PRKCA: variants seen among roughly 807,000 people sequenced by gnomAD.
The protein encoded by PRKCA is protein kinase C alpha, also known as protein kinase C alpha type.
In PRKCA, 27 loss-of-function variants were observed where a neutral mutation model predicts 87.0. The observed-to-expected ratio is 0.31, with a 90% CI of 0.23 to 0.43. PRKCA has a LOEUF of 0.43. PRKCA is among the 20% of genes least tolerant of loss of function. PRKCA has a pLI of 1.00. For synonymous variants in PRKCA, 329 were observed against 311.1 expected (o/e 1.06, Z -0.61); for missense variants, 518 against 852.3 (o/e 0.61, Z 4.88).
intron 3 of PRKCA, among the ~76,000 whole-genome samples, chr17:66,512,161 T>A (rs1037288865): frequency 6.6e-6 from 1 of 152,142 alleles, no homozygotes; most frequent in African/African-American, 2.4e-5. Context: ...AGTGTTAATA[T>A]CAGGCAGATC....
At chr17:66,412,632 A>G (rs544400381) in intron 2 of PRKCA, 1 of 152,212 alleles carries the variant, frequency 6.6e-6, no homozygotes, top group African/African-American at 2.4e-5. Flanking sequence ...GCTATGTGCC[A>G]CCTGCTTTCT....
intron 3 of PRKCA, among the ~76,000 whole-genome samples, chr17:66,594,064 A>C (rs1969894896): frequency 6.6e-6 from 1 of 152,230 alleles, no homozygotes; most frequent in Non-Finnish European, 1.5e-5. Context: ...CAGCCTAGGC[A>C]ACAAGAATGA....
intron 8 of PRKCA, among the ~76,000 whole-genome samples, chr17:66,725,786 G>A (rs2144176713): frequency 6.6e-6 from 1 of 151,336 alleles, no homozygotes; most frequent in East Asian, 2.0e-4. Flanking sequence ...CTCCAGCCTG[G>A]GCGACAGAGT....
chr17:66,772,693 T>C (rs929478497), intron 13 of PRKCA, among the ~76,000 whole-genome samples: 2 of 152,108 alleles, frequency 1.3e-5, no homozygotes, highest in East Asian at 3.9e-4. Flanking sequence ...CCTGCCATAC[T>C]TAGAAATTCA....
intron 3 of PRKCA, among the ~76,000 whole-genome samples, chr17:66,524,142 A>G (rs1967263039): frequency 6.6e-6 from 1 of 152,132 alleles, no homozygotes; most frequent in Non-Finnish European, 1.5e-5. Context: ...GACAACTGCT[A>G]GGGTCTTCTG....
At chr17:66,674,904 C>T (rs1330856442) in intron 5 of PRKCA, among the ~76,000 whole-genome samples, 1 of 152,192 alleles carries the variant, frequency 6.6e-6, no homozygotes, top group Non-Finnish European at 1.5e-5. Context: ...CCTCCTTATG[C>T]CATGGAGGGC....
At chr17:66,440,111 G>A (rs957709926) in intron 2 of PRKCA, among the ~76,000 whole-genome samples, 1 of 152,144 alleles carries the variant, frequency 6.6e-6, no homozygotes, top group African/African-American at 2.4e-5. Context: ...TATTTCCTAT[G>A]AAATGCCAGA....
intron 2 of PRKCA, among the ~76,000 whole-genome samples, chr17:66,332,937 C>A (rs1158765914): frequency 6.6e-6 from 1 of 152,258 alleles, no homozygotes; most frequent in East Asian, 1.9e-4. Context: ...GTGATCCACC[C>A]GCCTTGGCCT....
chr17:66,655,648 C>T (rs772051452), intron 5 of PRKCA, among the ~76,000 whole-genome samples: 1 of 152,158 alleles, frequency 6.6e-6, no homozygotes, highest in Non-Finnish European at 1.5e-5. Flanking sequence ...GAGATAGTGT[C>T]TTATCTCCTG....
intron 8 of PRKCA, among the ~76,000 whole-genome samples, chr17:66,728,338 C>T (rs1034853236): frequency 1.3e-5 from 2 of 152,198 alleles, no homozygotes; most frequent in South Asian, 4.1e-4. Context: ...CCCCACACAC[C>T]GGTCTGTCTC....
intron 8 of PRKCA, among the ~76,000 whole-genome samples, chr17:66,698,143 C>T (rs1200255785): frequency 6.6e-6 from 1 of 152,198 alleles, no homozygotes; most frequent in East Asian, 1.9e-4. Context: ...GAGGAGATGA[C>T]TGCCTCCTTC....
intron 2 of PRKCA, among the ~76,000 whole-genome samples, chr17:66,377,252 T>C (rs954418528): frequency 1.3e-5 from 2 of 152,006 alleles, no homozygotes; most frequent in African/African-American, 4.8e-5. Context: ...CTCGAACTCT[T>C]GACCTCAGGT....
intron 3 of PRKCA, among the ~76,000 whole-genome samples, chr17:66,565,298 C>T (rs373061460): frequency 2.0e-5 from 3 of 152,174 alleles, no homozygotes; most frequent in East Asian, 1.9e-4. Flanking sequence ...GCTCTTACAG[C>T]CCCTGAGAGC....
At chr17:66,335,295 A>AT (rs1277902072) in intron 2 of PRKCA, among the ~76,000 whole-genome samples, 1 of 151,658 alleles carries the variant, frequency 6.6e-6, no homozygotes, top group Non-Finnish European at 1.5e-5. Context: ...TGCCTGGCTA[A>AT]TTTTTTTGAT....
intron 5 of PRKCA, among the ~76,000 whole-genome samples, chr17:66,659,060 TC>T (rs1330246763): frequency 3.9e-5 from 6 of 152,210 alleles, no homozygotes; most frequent in African/African-American, 7.2e-5. Flanking sequence ...TCTCTTTGTT[TC>T]CCTCTCCTCT....
intron 2 of PRKCA, among the ~76,000 whole-genome samples, chr17:66,435,405 CA>C (rs1353278356): frequency 1.3e-5 from 2 of 152,232 alleles, no homozygotes; most frequent in Non-Finnish European, 2.9e-5. Context: ...CAGTCCCGTG[CA>C]GCCGGCGTTT....
At chr17:66,692,928 C>G (rs1404919828) in intron 8 of PRKCA, among the ~76,000 whole-genome samples, 1 of 152,170 alleles carries the variant, frequency 6.6e-6, no homozygotes, top group East Asian at 1.9e-4. Flanking sequence ...CACACAGTGT[C>G]CAGTCTGTCC....
At chr17:66,626,202 C>CT (rs559635396) in intron 3 of PRKCA, among the ~76,000 whole-genome samples, 2,227 of 138,468 alleles carry the variant, frequency 0.016, 54 homozygotes, top group African/African-American at 0.053. Flanking sequence ...TTTTTCTTTT[C>CT]TTTTTTTTTT....
chr17:66,344,865 G>A lies in PRKCA; in HGVS notation c.205+38738G>A, dbSNP rs140719087. ...ACTGCAACTTCCACCTCCTGGGTTC[G>A]AGTGATTCTCCTGCCTCAGTCTCCC... On this transcript the variant is annotated intron_variant, in intron 2 of 16. Transcript: ENST00000413366. Among the ~76,000 whole-genome samples the A allele has an allele frequency of 4.1e-3, 618 of 152,198 alleles. 3 individuals carry two copies. The highest frequency in any genetic ancestry group is 0.014 in the African/African-American group (588 of 41,528).
Sources: allele counts gnomAD v4.1 joint callset (sites outside exome capture counted in the v4.1 genomes callset), GRCh38; gene constraint gnomAD v4.1.1; transcripts MANE v1.5; gene names NCBI Gene and HGNC (gene_info 2026-07-23, HGNC 2026-07-21).